Variants in DNAL1 observed in about 807,000 individuals in gnomAD.
The protein encoded by DNAL1 is chromosome 14 open reading frame 168.
DNAL1 carries 17 observed loss-of-function variants against 29.4 expected under a neutral mutation model. The ratio of observed to expected loss-of-function variants is 0.58; its 90% CI spans 0.40 to 0.87. The LOEUF (loss-of-function observed/expected upper bound fraction) is 0.87. DNAL1 is among the 40% of genes least tolerant of loss of function. The pLI, the probability that DNAL1 is intolerant of heterozygous loss-of-function variation, is 0.00. For missense variants in DNAL1, 188 were observed against 214.1 expected, an observed-to-expected ratio of 0.88 and a Z score of 0.76; for synonymous variants, 78 against 76.3, an observed-to-expected ratio of 1.02 and a Z score of -0.12.
At chr14:73,686,726 A>G (rs1892027104) in intron 5 of DNAL1, among the ~76,000 whole-genome samples, 1 of 152,130 alleles carries the variant, frequency 6.6e-6, no homozygotes, top group Non-Finnish European at 1.5e-5. Flanking sequence ...ACAAAAAACA[A>G]CTTTTTTATG....
intron 3 of DNAL1, among the ~76,000 whole-genome samples, chr14:73,659,266 G>T (rs933213495): frequency 7.9e-5 from 12 of 151,304 alleles, no homozygotes; most frequent in Non-Finnish European, 1.8e-4. Flanking sequence ...GGTTCGAGCA[G>T]TTCTCCTGCC....
chr14:73,670,169 G>A (rs1206992535), intron 4 of DNAL1, among the ~76,000 whole-genome samples: 1 of 152,176 alleles, frequency 6.6e-6, no homozygotes, highest in East Asian at 1.9e-4. Flanking sequence ...TCCCTAGAGA[G>A]TTGGGATTGA....
chr14:73,689,448 A>G lies in DNAL1; in HGVS notation c.465A>G (p.Lys155=), dbSNP rs1189881884. The G allele has an allele frequency of 3.2e-6, 5 of 1,566,342 alleles. No individual in the cohort carries two copies. In the East Asian group the frequency reaches 9.4e-5, roughly 29 times the overall value. Residue 155 remains lysine, a synonymous_variant, in exon 7 of 8, where the codon AAA becomes AAG. Transcript: ENST00000553645. ...TTGTAGGCAATCCCTTGGAAGAGAAACATTCTGCTGAGAATAACTGGATTG... is the reference window on the plus strand; with the variant it reads ...TTGTAGGCAATCCCTTGGAAGAGAAGCATTCTGCTGAGAATAACTGGATTG... The part of the protein sequence containing the change: ...LVFVGNPLEE[K]HSAENNWIEE...
At chr14:73,687,850 GC>G (rs1892058276) in intron 6 of DNAL1, among the ~76,000 whole-genome samples, 1 of 152,170 alleles carries the variant, frequency 6.6e-6, no homozygotes, top group South Asian at 2.1e-4. Context: ...TCCAGCCAGG[GC>G]AGCAGAGCAA....
chr14:73,658,938 C>A lies in DNAL1; in HGVS notation c.134C>A (p.Ser45Tyr). The A allele has an allele frequency of 6.5e-7, 1 of 1,527,388 alleles. No individual in the cohort carries two copies. Among genetic ancestry groups the A allele is most frequent in the Non-Finnish European group, 8.8e-7 (1 of 1,136,024 alleles). The allele number at this position is 1,527,388 out of a possible 1,614,324, so 94.6% of individuals were successfully genotyped here. A position where few individuals can be genotyped will look rare whatever the true frequency, so the allele number is the denominator to read the frequency against. Residue 45 changes from serine to tyrosine, a missense_variant, in exon 3 of 8, where the codon TCC becomes TAC. Physicochemically the swap from Ser to Tyr is moderately radical, Grantham distance 144 (BLOSUM62 -2). Coordinates refer to ENST00000553645, the MANE Select transcript of DNAL1 (RefSeq NM_031427.4). ...PPIEKMDASLSMLANCEKLSL... is the reference protein window; with the variant it reads ...PPIEKMDASLYMLANCEKLSL... ...ATAGAGAAGATGGATGCATCCTTGT[C>A]CATGCTTGCTAATTGCGAGTAAGTT...
intron 4 of DNAL1, among the ~76,000 whole-genome samples, chr14:73,668,674 C>T (rs1255192528): frequency 6.6e-6 from 1 of 151,758 alleles, no homozygotes; most frequent in Non-Finnish European, 1.5e-5. Flanking sequence ...GCCGTCTTCT[C>T]CCTCTGTCTC....
At position 73,647,583 on chromosome 14, in the gene DNAL1, C is replaced by G. The variant is rs968259772; in HGVS notation, c.3+2541C>G. ...AGCTCTTTTCCCCAAGTCCCACCTG[C>G]TAACAGTTGTCTGGAGCTGAGTAGA... On this transcript the variant is annotated intron_variant, in intron 1 of 7. Coordinates refer to ENST00000553645, the MANE Select transcript of DNAL1 (RefSeq NM_031427.4). Among the ~76,000 whole-genome samples, 6 of 152,082 alleles carry G rather than the reference C, an allele frequency of 3.9e-5. No homozygotes were observed. The East Asian group carries it at 1.2e-3, about 29-fold the overall frequency.
intron 5 of DNAL1, among the ~76,000 whole-genome samples, chr14:73,677,747 C>T (rs942758471): frequency 5.3e-5 from 8 of 149,950 alleles, no homozygotes; most frequent in Admixed American, 2.0e-4. Context: ...TTAGTAGAGA[C>T]GGGGTTTCAC....
chr14:73,649,421 T>G (rs1392531450), intron 1 of DNAL1, among the ~76,000 whole-genome samples: 1 of 151,754 alleles, frequency 6.6e-6, no homozygotes, highest in Admixed American at 6.6e-5. Context: ...TAGCTGGGAC[T>G]ACAGGCGCCT....
In DNAL1 at chr14:73,672,779, G is replaced by A. The variant is rs142882358; in HGVS notation, c.264+1182G>A. ...ATTTGATTTTTTTTTTTTTTGAGAC[G>A]GAGTCTTGCCCTGTCACCCAGGCTA... On this transcript the variant is annotated intron_variant, in intron 5 of 7. Transcript: ENST00000553645. 3.1e-3 allele frequency among the ~76,000 whole-genome samples: 447 copies of A among 142,886 alleles called. 3 individuals carry two copies. The highest frequency in any genetic ancestry group is 0.01 in the African/African-American group (390 of 38,944). 93.7% of individuals were successfully genotyped at this position (142,886 alleles called of 152,430 possible).
chr14:73,656,644 T>C (rs1891222634), intron 2 of DNAL1, among the ~76,000 whole-genome samples: 1 of 152,082 alleles, frequency 6.6e-6, no homozygotes, highest in Non-Finnish European at 1.5e-5. Flanking sequence ...CAGGTTGGTC[T>C]TGAACTCCTG....
chr14:73,669,203 A>G (rs1484531730), intron 4 of DNAL1, among the ~76,000 whole-genome samples: 1 of 151,806 alleles, frequency 6.6e-6, no homozygotes, highest in Admixed American at 6.6e-5. Context: ...GTAGTGGTGC[A>G]AACTCCTGTG....
Position 73,687,250 on chromosome 14 carries a change from C to A in DNAL1, c.265-9C>A. The A allele has an allele frequency of 6.2e-7, 1 of 1,609,304 alleles. No individual in the cohort carries two copies. The highest frequency in any genetic ancestry group is 8.5e-7 in the Non-Finnish European group (1 of 1,178,646). ...ACATAAACATAAATCAAATTTTGTT[C>A]TTTTTCAGGAGGCAGTAGGGGACAC... On this transcript the variant is annotated splice_polypyrimidine_tract_variant and intron_variant, in intron 5 of 7. Transcript: ENST00000553645.
intron 4 of DNAL1, among the ~76,000 whole-genome samples, chr14:73,668,448 ATAAT>A (rs1384993994): frequency 4.6e-5 from 7 of 152,356 alleles, no homozygotes; most frequent in East Asian, 1.9e-4. Flanking sequence ...GCTTTAAAGA[ATAAT>A]TATGTGATTT....
chr14:73,689,024 C>G (rs946244099), intron 6 of DNAL1, among the ~76,000 whole-genome samples: 1 of 113,132 alleles, frequency 8.8e-6, no homozygotes, highest in Admixed American at 1.1e-4. Flanking sequence ...GTAAAACTTG[C>G]TGTTTTTTTT....
At chr14:73,664,968 C>G (rs1891443028) in intron 4 of DNAL1, among the ~76,000 whole-genome samples, 1 of 152,108 alleles carries the variant, frequency 6.6e-6, no homozygotes. Flanking sequence ...TGGAAATATT[C>G]ATAACAGTCT....
chr14:73,675,010 C>T (rs1891698735), intron 5 of DNAL1, among the ~76,000 whole-genome samples: 1 of 151,502 alleles, frequency 6.6e-6, no homozygotes, highest in Non-Finnish European at 1.5e-5. Context: ...TAGTAGGGGT[C>T]TCGCCATGTT....
At chr14:73,660,862 C>T (rs1034633064) in intron 3 of DNAL1, among the ~76,000 whole-genome samples, 6 of 152,184 alleles carry the variant, frequency 3.9e-5, no homozygotes, top group Non-Finnish European at 8.8e-5. Flanking sequence ...TCGAGTCAAC[C>T]TGTTCATATT....
intron 6 of DNAL1, among the ~76,000 whole-genome samples, chr14:73,688,763 A>C (rs1029529714): frequency 6.6e-6 from 1 of 152,212 alleles, no homozygotes; most frequent in Non-Finnish European, 1.5e-5. Context: ...AGCATGAAGA[A>C]GACCTGTCAC....
Sources: gnomAD v4.1 joint callset for allele counts (sites outside exome capture counted in the v4.1 genomes callset) on GRCh38, gnomAD v4.1.1 for gene constraint, MANE v1.5 for transcripts, NCBI Gene and HGNC (gene_info 2026-07-23, HGNC 2026-07-21) for gene names.